Variants in TRPV4 observed in about 807,000 individuals in gnomAD.
The protein encoded by TRPV4 is OSM9-like transient receptor potential channel 4.
A neutral mutation model predicts 84.1 loss-of-function variants in TRPV4; 58 were observed. The observed-to-expected ratio is 0.69, with a 90% CI of 0.56 to 0.86. The LOEUF (loss-of-function observed/expected upper bound fraction) is 0.86. Among genes scored for constraint, TRPV4 ranks in the 40% least tolerant of loss-of-function variants. TRPV4 has a pLI of 0.00. For missense variants in TRPV4, 879 were observed against 1,181.1 expected (o/e 0.74, Z 3.75); for synonymous variants, 489 against 500.9 (o/e 0.98, Z 0.32).
In TRPV4 at chr12:109,783,964, G is replaced by A. The variant is rs1353535562; in HGVS notation, c.2459-186C>T. On this transcript the variant is annotated intron_variant, in intron 15 of 15. Transcript: ENST00000261740. This position sits in a 1 kb window ranked among gnomAD's most constrained non-coding sequence, Gnocchi z 4.6. ...AGGTGCCTCCCCAGGAGAGAATGGAGGAACCAGGATTCAAGCCTGGAGCCG... is the reference window on the plus strand; with the variant it reads ...AGGTGCCTCCCCAGGAGAGAATGGAAGAACCAGGATTCAAGCCTGGAGCCG... Among the ~76,000 whole-genome samples the A allele has an allele frequency of 6.6e-6, 1 of 152,184 alleles. No homozygotes were observed. The highest frequency in any genetic ancestry group is 1.5e-5 in the Non-Finnish European group (1 of 68,046).
Position 109,793,716 on chromosome 12 carries a change from G to T in TRPV4, c.1585-116C>A, listed in dbSNP as rs1396210921. ...GAGGCAGAGGCTGGTACAGAGAAAA[G>T]ACAAAGGACTCTTTCCTGTTAGAAA... On this transcript the variant is annotated intron_variant, in intron 9 of 15. Coordinates refer to ENST00000261740, the MANE Select transcript of TRPV4 (RefSeq NM_021625.5). The surrounding 1 kb of genome is among the most constrained non-coding windows in gnomAD (Gnocchi z 4.0). 1.1e-6 allele frequency: 1 copy of T among 949,558 alleles called. No individual in the cohort carries two copies. The highest frequency in any genetic ancestry group is 1.7e-6 in the Non-Finnish European group (1 of 594,462). The allele number at this position is 949,558 out of a possible 1,614,324, so 58.8% of individuals were successfully genotyped here. A position where few individuals can be genotyped will look rare whatever the true frequency, so the allele number is the denominator to read the frequency against.
chr12:109,787,115 G>A (rs1889740747), intron 13 of TRPV4, among the ~76,000 whole-genome samples: 1 of 152,172 alleles, frequency 6.6e-6, no homozygotes, highest in Non-Finnish European at 1.5e-5. Context: ...TAGAGACTGG[G>A]GAGAACAGGG....
chr12:109,831,799 C>A (rs1892416967), intron 1 of TRPV4, among the ~76,000 whole-genome samples: 1 of 152,202 alleles, frequency 6.6e-6, no homozygotes, highest in Non-Finnish European at 1.5e-5. Context: ...TCAAAACAGC[C>A]CCACCTTGAT....
intron 3 of TRPV4, among the ~76,000 whole-genome samples, chr12:109,804,873 G>C (rs777650915): frequency 2.6e-5 from 4 of 152,116 alleles, no homozygotes; most frequent in Non-Finnish European, 4.4e-5. Flanking sequence ...GGTCATTTCA[G>C]ACTGCAATAG....
At chr12:109,827,191 G>A (rs74971388) in intron 1 of TRPV4, among the ~76,000 whole-genome samples, 50 of 152,284 alleles carry the variant, frequency 3.3e-4, no homozygotes, top group African/African-American at 1.2e-3. Flanking sequence ...TATGTGTGGG[G>A]TTTTCTGGCC....
At chr12:109,827,494 T>G (rs368446278) in intron 1 of TRPV4, among the ~76,000 whole-genome samples, 1 of 151,770 alleles carries the variant, frequency 6.6e-6, no homozygotes, top group South Asian at 2.1e-4. Flanking sequence ...CCATGCCCCC[T>G]GTCCCACCCT....
chr12:109,807,351 G>A (rs779385138), intron 3 of TRPV4, among the ~76,000 whole-genome samples: 3 of 149,136 alleles, frequency 2.0e-5, no homozygotes, highest in Non-Finnish European at 4.4e-5. Flanking sequence ...ACCATGGTCC[G>A]CCTTCCAAGA....
rs1402304722 is a variant in TRPV4, at chr12:109,814,285, T to C, written c.386+126A>G. On this transcript the variant is annotated intron_variant, in intron 2 of 15. Coordinates refer to ENST00000261740, the MANE Select transcript of TRPV4 (RefSeq NM_021625.5). This position sits in a 1 kb window ranked among gnomAD's most constrained non-coding sequence, Gnocchi z 5.4. ...GATGGATGGATAGATGTATGGATGG[T>C]TGGATGGACAGATGGATGGATGGAT... is the stretch of plus-strand genomic sequence containing the variant. The C allele has an allele frequency of 2.7e-6, 3 of 1,105,970 alleles. No homozygotes were observed. The highest frequency in any genetic ancestry group is 2.0e-5 in the Admixed American group (1 of 50,280). The allele number at this position is 1,105,970 out of a possible 1,614,324, so 68.5% of individuals were successfully genotyped here.
rs774319875 is a variant in TRPV4, at chr12:109,788,403, C to T, written c.2205G>A (p.Leu735=). 3.1e-6 allele frequency: 5 copies of T among 1,613,302 alleles called. No homozygotes were observed. Among genetic ancestry groups the T allele is most frequent in the Non-Finnish European group, 4.2e-6 (5 of 1,179,762 alleles). ...VSKESKHIWK[L]QWATTILDIE... ...GCTGGGGGCCCTGGGGCCTCACCTG[C>T]AGCTTCCAGATGTGCTTGCTCTCCT... The change falls in exon 13 of 16, where the codon CTG becomes CTA. Residue 735 remains leucine (L), a synonymous_variant. Transcript: ENST00000261740.
chr12:109,789,428 C>A (rs543823081), intron 12 of TRPV4, among the ~76,000 whole-genome samples: 2 of 152,284 alleles, frequency 1.3e-5, no homozygotes, highest in East Asian at 3.9e-4. Flanking sequence ...TAGACTCTCT[C>A]TCTGACAGTT....
At position 109,792,413 on chromosome 12, in the gene TRPV4, A is replaced by C. The variant is rs2136466397; in HGVS notation, c.1841T>G (p.Leu614Arg). The change falls in exon 12 of 16, where the codon CTT becomes CGT. Residue 614 changes from leucine (L) to arginine (R), a missense_variant. Physicochemically the swap from Leu to Arg is moderately radical, Grantham distance 102. Around this residue, in one of 4 missense-constraint regions of TRPV4, gnomAD observed 242 missense variants for 355.3 expected, o/e 0.68. Coordinates refer to ENST00000261740, the MANE Select transcript of TRPV4 (RefSeq NM_021625.5). The part of the protein sequence containing the change: ...IMIQKILFKD[L>R]FRFLLVYLLF... ...CAAGTAGACGAGCAGGAATCGGAAA[A>C]GGTCCTTGAAGAGAATCTAAAGACC... 1 of 1,613,978 alleles carries C rather than the reference A, an allele frequency of 6.2e-7. No homozygotes were observed. Among genetic ancestry groups the C allele is most frequent in the East Asian group, 2.2e-5 (1 of 44,886 alleles).
At position 109,788,466 on chromosome 12, in the gene TRPV4, G is replaced by A. The variant is rs751939888; in HGVS notation, c.2142C>T (p.Leu714=). 15 of 1,614,094 alleles carry A rather than the reference G, an allele frequency of 9.3e-6. No homozygotes were observed. The highest frequency in any genetic ancestry group is 2.2e-5 in the South Asian group (2 of 91,090). Reference sequence around the variant, plus strand: ...CCACTGTCTCGCCCATGAGGGCAATGAGCATGTTGAGGAGCAGCACAAAGG... The same window carrying A: ...CCACTGTCTCGCCCATGAGGGCAATAAGCATGTTGAGGAGCAGCACAAAGG... ...ILTFVLLLNM[L]IALMGETVGQ... Residue 714 remains leucine (L), a synonymous_variant, in exon 13 of 16, where the codon CTC becomes CTT. Transcript: ENST00000261740.
intron 1 of TRPV4, among the ~76,000 whole-genome samples, chr12:109,829,762 C>G (rs1019952506): frequency 6.6e-6 from 1 of 152,190 alleles, no homozygotes; most frequent in Non-Finnish European, 1.5e-5. Flanking sequence ...GCTCCTCCAG[C>G]GGGGAATAGC....
chr12:109,825,203 T>C (rs1379905102), intron 1 of TRPV4, among the ~76,000 whole-genome samples: 3 of 151,998 alleles, frequency 2.0e-5, no homozygotes, highest in African/African-American at 7.2e-5. Context: ...TTTATTTATT[T>C]TTTAAAATAT....
In TRPV4 at chr12:109,827,478, T is replaced by A. The variant is rs1892285839; in HGVS notation, c.-32+5872A>T. 2.6e-5 allele frequency among the ~76,000 whole-genome samples: 4 copies of A among 151,926 alleles called. No individual in the cohort carries two copies. The South Asian group carries it at 6.2e-4, about 24-fold the overall frequency. ...GGAGTGAGCCAGACCCATGGGTCAGTCAACCCCATGCCCCCTGTCCCACCC... is the reference window on the plus strand; with the variant it reads ...GGAGTGAGCCAGACCCATGGGTCAGACAACCCCATGCCCCCTGTCCCACCC... On this transcript the variant is annotated intron_variant, in intron 1 of 15. Coordinates refer to ENST00000261740, the MANE Select transcript of TRPV4 (RefSeq NM_021625.5).
At position 109,798,241 on chromosome 12, in the gene TRPV4, C is replaced by A. The variant is rs546965723; in HGVS notation, c.1152+373G>T. Among the ~76,000 whole-genome samples the A allele has an allele frequency of 9.2e-5, 14 of 152,256 alleles. No individual in the cohort carries two copies. The highest frequency in any genetic ancestry group is 1.9e-4 in the Non-Finnish European group (13 of 68,030). On this transcript the variant is annotated intron_variant, in intron 6 of 15. Transcript: ENST00000261740. The surrounding 1 kb of genome is among the most constrained non-coding windows in gnomAD (Gnocchi z 5.0). Reference sequence around the variant, plus strand: ...TGAAGTTGAGAAACCCTTCTCCAGGCCCCATGCTGCGCGGCCCAGAAAAGG... The same window carrying A: ...TGAAGTTGAGAAACCCTTCTCCAGGACCCATGCTGCGCGGCCCAGAAAAGG...
chr12:109,786,475 G>A lies in TRPV4; in HGVS notation c.2336+235C>T, dbSNP rs897487431. Among the ~76,000 whole-genome samples the A allele has an allele frequency of 2.0e-5, 3 of 152,172 alleles. No homozygotes were observed. Among genetic ancestry groups the A allele is most frequent in the African/African-American group, 2.4e-5 (1 of 41,452 alleles). ...CGTGCTGACCTGTCTAATCCGCACCGCCAGCCTAGGAGCCCGTGAGATCAT... is the reference window on the plus strand; with the variant it reads ...CGTGCTGACCTGTCTAATCCGCACCACCAGCCTAGGAGCCCGTGAGATCAT... On this transcript the variant is annotated intron_variant, in intron 14 of 15. Transcript: ENST00000261740. This position sits in a 1 kb window ranked among gnomAD's most constrained non-coding sequence, Gnocchi z 4.5.
chr12:109,813,711 G>T (rs964187197), intron 2 of TRPV4, among the ~76,000 whole-genome samples: 2 of 152,110 alleles, frequency 1.3e-5, no homozygotes, highest in African/African-American at 2.4e-5. Context: ...ATGGATGATG[G>T]ATAGATGGGT....
chr12:109,824,273 G>A (rs549089792), intron 1 of TRPV4, among the ~76,000 whole-genome samples: 199 of 152,054 alleles, frequency 1.3e-3, no homozygotes, highest in Non-Finnish European at 2.3e-3. Context: ...CCACATAAAG[G>A]GTTTCAAACA....
Sources: allele counts gnomAD v4.1 joint callset (sites outside exome capture counted in the v4.1 genomes callset), GRCh38; gene constraint gnomAD v4.1.1; regional missense constraint gnomAD v4.1.1; non-coding constraint Gnocchi (gnomAD v3.1); transcripts MANE v1.5; gene names NCBI Gene and HGNC (gene_info 2026-07-23, HGNC 2026-07-21).